Variants in TFEC observed in about 807,000 individuals in gnomAD.
TFEC encodes the protein transcription factor EC.
In TFEC, 31 loss-of-function variants were observed where a neutral mutation model predicts 41.6. The ratio of observed to expected loss-of-function variants is 0.74; its 90% CI spans 0.56 to 1.01. The LOEUF is 1.01. TFEC is among the 50% of genes least tolerant of loss of function. The pLI is 0.00. For synonymous variants in TFEC, 143 were observed against 140.6 expected, an observed-to-expected ratio of 1.02 and a Z score of -0.12; for missense variants, 402 against 404.1, an observed-to-expected ratio of 0.99 and a Z score of 0.04.
chr7:116,132,093 C>T (rs772534194), intron 1 of TFEC, among the ~76,000 whole-genome samples: 6 of 152,080 alleles, frequency 3.9e-5, no homozygotes, highest in Admixed American at 2.6e-4. Flanking sequence ...ATAAAGTATG[C>T]TGTTTCCCCT....
chr7:116,045,401 T>C (rs1357941112), intron 3 of TFEC, among the ~76,000 whole-genome samples: 2 of 152,216 alleles, frequency 1.3e-5, no homozygotes, highest in Admixed American at 1.3e-4. Context: ...CAAAGCTTCC[T>C]CATGCTGTGT....
chr7:115,953,624 T>G (rs1402402985), intron 5 of TFEC, among the ~76,000 whole-genome samples: 1 of 152,014 alleles, frequency 6.6e-6, no homozygotes, highest in East Asian at 1.9e-4. Flanking sequence ...ATCCCTTCTC[T>G]CAACCATTAG....
intron 1 of TFEC, among the ~76,000 whole-genome samples, chr7:115,990,807 T>G (rs906412091): frequency 3.9e-5 from 6 of 152,160 alleles, no homozygotes; most frequent in African/African-American, 1.2e-4. Flanking sequence ...AAAACACTCT[T>G]CAGGATATCA....
At chr7:116,143,552 A>T (rs1392058778) in intron 1 of TFEC, among the ~76,000 whole-genome samples, 1 of 152,240 alleles carries the variant, frequency 6.6e-6, no homozygotes, top group Non-Finnish European at 1.5e-5. Flanking sequence ...AAACATATTT[A>T]GTGAACTGAA....
intron 3 of TFEC, among the ~76,000 whole-genome samples, chr7:115,964,621 T>G (rs1792748518): frequency 6.6e-6 from 1 of 151,612 alleles, no homozygotes; most frequent in East Asian, 1.9e-4. Context: ...TGATAAAAGT[T>G]AATCCCATTT....
intron 1 of TFEC, among the ~76,000 whole-genome samples, chr7:116,009,294 C>T (rs1441428141): frequency 6.6e-6 from 1 of 152,084 alleles, no homozygotes; most frequent in East Asian, 1.9e-4. Context: ...CAGAGACTGT[C>T]AACTTCATTT....
intron 3 of TFEC, among the ~76,000 whole-genome samples, chr7:116,097,387 G>A (rs1797490497): frequency 6.6e-6 from 1 of 152,112 alleles, no homozygotes; most frequent in African/African-American, 2.4e-5. Context: ...ATTAGCTTCA[G>A]TCAGATATTA....
At chr7:116,110,603 T>A in intron 3 of TFEC, 1 of 850,234 alleles carries the variant, frequency 1.2e-6, no homozygotes, top group Non-Finnish European at 1.6e-6. Context: ...TTTATTCTTG[T>A]TTTTTTCCTT....
chr7:116,053,215 G>A (rs1415079282), intron 3 of TFEC, among the ~76,000 whole-genome samples: 1 of 152,156 alleles, frequency 6.6e-6, no homozygotes, highest in African/African-American at 2.4e-5. Flanking sequence ...AGGGGAGATG[G>A]AATGAATCTT....
At chr7:116,068,179 TG>T (rs1390705080) in intron 3 of TFEC, among the ~76,000 whole-genome samples, 13 of 152,010 alleles carry the variant, frequency 8.6e-5, no homozygotes, top group East Asian at 5.8e-4. Flanking sequence ...TGAAGCAATA[TG>T]TTTTTTTGTA....
At chr7:116,146,295 C>T (rs1361542624) in intron 1 of TFEC, among the ~76,000 whole-genome samples, 2 of 152,110 alleles carry the variant, frequency 1.3e-5, no homozygotes, top group Non-Finnish European at 2.9e-5. Flanking sequence ...GGATGACAGG[C>T]GGAGTCCAGG....
chr7:116,080,979 G>GTA (rs574870582), intron 3 of TFEC, among the ~76,000 whole-genome samples: 15,593 of 106,474 alleles, frequency 0.15, 883 homozygotes, highest in African/African-American at 0.18. Flanking sequence ...AAAATGTAGT[G>GTA]TGTGTGTGTG....
At chr7:116,123,515 C>A (rs753754595) in intron 1 of TFEC, among the ~76,000 whole-genome samples, 4 of 151,888 alleles carry the variant, frequency 2.6e-5, no homozygotes, top group Non-Finnish European at 5.9e-5. Flanking sequence ...TGTCATGCCA[C>A]TTCCCTACAA....
At chr7:116,062,784 A>C (rs544101218) in intron 3 of TFEC, among the ~76,000 whole-genome samples, 9 of 152,022 alleles carry the variant, frequency 5.9e-5, no homozygotes, top group Non-Finnish European at 1.3e-4. Context: ...TTAGTTATTT[A>C]AGGAATCTCC....
At chr7:116,035,451 C>T (rs979402399), upstream of TFEC, among the ~76,000 whole-genome samples, 1 of 152,056 alleles carries the variant, frequency 6.6e-6, no homozygotes, top group Non-Finnish European at 1.5e-5. Context: ...CTTTTATAAG[C>T]ATTAATGTTA....
chr7:116,138,921 G>C (rs1262346933), intron 1 of TFEC, among the ~76,000 whole-genome samples: 2 of 152,160 alleles, frequency 1.3e-5, no homozygotes, highest in Admixed American at 6.5e-5. Flanking sequence ...CTACGAGACT[G>C]AAATACAATA....
chr7:116,075,300 T>C (rs559660274), intron 3 of TFEC, among the ~76,000 whole-genome samples: 1 of 152,270 alleles, frequency 6.6e-6, no homozygotes, highest in South Asian at 2.1e-4. Flanking sequence ...CCCACCCGGA[T>C]AGACAGAGCA....
At chr7:116,030,843 T>C (rs1463695730), upstream of TFEC, 35 of 985,036 alleles carry the variant, frequency 3.6e-5, no homozygotes, top group South Asian at 4.7e-5. Flanking sequence ...TGAACCCTGG[T>C]TGGAATTTCA....
chr7:116,036,814 G>T (rs912988530), intron 3 of TFEC, among the ~76,000 whole-genome samples: 1 of 151,980 alleles, frequency 6.6e-6, no homozygotes, highest in Non-Finnish European at 1.5e-5. Context: ...CTGGTATCAG[G>T]AATAAAAGAA....
Sources: gnomAD v4.1 joint callset for allele counts (sites outside exome capture counted in the v4.1 genomes callset) on GRCh38, gnomAD v4.1.1 for gene constraint, MANE v1.5 for transcripts, NCBI Gene and HGNC (gene_info 2026-07-23, HGNC 2026-07-21) for gene names.